Variants in RBFOX1 observed in about 807,000 individuals in gnomAD.
The protein encoded by RBFOX1 is RNA binding protein fox-1 homolog 1.
RBFOX1 carries 8 observed loss-of-function variants against 57.7 expected under a neutral mutation model. That is an observed-to-expected ratio of 0.14 (90% CI 0.08 to 0.25). The LOEUF (loss-of-function observed/expected upper bound fraction) is 0.25, where lower values mean the gene tolerates loss of function less well. Among genes scored for constraint, RBFOX1 ranks in the 10% least tolerant of loss-of-function variants. The pLI, the probability that RBFOX1 is intolerant of heterozygous loss-of-function variation, is 1.00. For synonymous variants in RBFOX1, 326 were observed against 222.4 expected (o/e 1.47, Z -4.15); for missense variants, 611 against 548.5 (o/e 1.11, Z -1.14).
At chr16:6,125,874 T>A (rs543002783) in intron 1 of RBFOX1, among the ~76,000 whole-genome samples, 1 of 152,294 alleles carries the variant, frequency 6.6e-6, no homozygotes, top group Non-Finnish European at 1.5e-5. Context: ...GGGAGAGATT[T>A]TCTGAAGGAT....
intron 3 of RBFOX1, among the ~76,000 whole-genome samples, chr16:5,831,993 C>G (rs1230458844): frequency 6.6e-6 from 1 of 152,148 alleles, no homozygotes; most frequent in Non-Finnish European, 1.5e-5. Context: ...GATGTTAGCA[C>G]TTTCATCCTA....
chr16:5,508,769 G>A (rs980477290), intron 2 of RBFOX1, among the ~76,000 whole-genome samples: 1 of 152,226 alleles, frequency 6.6e-6, no homozygotes, highest in African/African-American at 2.4e-5. Context: ...GGGGATCACA[G>A]GGCCAGCTCA....
intron 4 of RBFOX1, among the ~76,000 whole-genome samples, chr16:5,869,948 A>G (rs1268159240): frequency 1.3e-5 from 2 of 152,170 alleles, no homozygotes; most frequent in African/African-American, 2.4e-5. Flanking sequence ...TAACAGATCA[A>G]TCAATAGTGG....
chr16:7,333,079 A>G (rs1603623681), intron 4 of RBFOX1: 2 of 1,613,742 alleles, frequency 1.2e-6, no homozygotes, highest in South Asian at 1.1e-5. Context: ...ACCTTCCTGG[A>G]CTGATTCAGG....
chr16:5,967,083 A>G (rs979255540), intron 4 of RBFOX1, among the ~76,000 whole-genome samples: 31 of 148,648 alleles, frequency 2.1e-4, no homozygotes, highest in Middle Eastern at 3.6e-3. Flanking sequence ...GCTCATTTAT[A>G]TATAGTTGAC....
intron 4 of RBFOX1, among the ~76,000 whole-genome samples, chr16:6,001,667 A>G (rs1236770782): frequency 1.3e-5 from 2 of 152,200 alleles, no homozygotes; most frequent in African/African-American, 2.4e-5. Context: ...GCTAGTTTTT[A>G]ATTAGGATGT....
At chr16:5,548,332 A>G (rs1372372624) in intron 2 of RBFOX1, among the ~76,000 whole-genome samples, 3 of 151,264 alleles carry the variant, frequency 2.0e-5, no homozygotes, top group African/African-American at 4.9e-5. Flanking sequence ...GTGTCATGCA[A>G]TATACTTGAG....
chr16:7,618,354 G>A (rs943365960), intron 10 of RBFOX1, among the ~76,000 whole-genome samples: 1 of 152,140 alleles, frequency 6.6e-6, no homozygotes, highest in Non-Finnish European at 1.5e-5. Context: ...TGTGCGTGAA[G>A]CCCTGTGGTG....
chr16:5,901,645 A>G (rs1308293396), intron 4 of RBFOX1, among the ~76,000 whole-genome samples: 1 of 152,202 alleles, frequency 6.6e-6, no homozygotes, highest in Non-Finnish European at 1.5e-5. Flanking sequence ...GCCATATTGG[A>G]GAGTAAGGAT....
In RBFOX1 at chr16:7,690,730, G is replaced by A. The variant is rs1032046681; in HGVS notation, c.995+13892G>A. Among the ~76,000 whole-genome samples the A allele has an allele frequency of 2.0e-5, 3 of 152,056 alleles. No individual in the cohort carries two copies. In the East Asian group the frequency reaches 5.8e-4, roughly 29 times the overall value. On this transcript the variant is annotated intron_variant, in intron 14 of 15. Coordinates refer to ENST00000550418, the MANE Select transcript of RBFOX1 (RefSeq NM_018723.4). ...GACATTCGTCTCTTTGATCATATGT[G>A]TCTCTGGTCATCTGGGGCAAATGGC...
chr16:7,227,266 C>T (rs1470065266), intron 4 of RBFOX1, among the ~76,000 whole-genome samples: 1 of 144,396 alleles, frequency 6.9e-6, no homozygotes, highest in African/African-American at 2.5e-5. Context: ...TTCTCACTGT[C>T]ACATACCACA....
chr16:7,601,864 A>G (rs1174226071), intron 9 of RBFOX1, among the ~76,000 whole-genome samples: 3 of 152,196 alleles, frequency 2.0e-5, no homozygotes, highest in African/African-American at 4.8e-5. Flanking sequence ...AATTTTGGCA[A>G]TAAATACACG....
At chr16:6,963,259 AG>A (rs1436462065) in intron 3 of RBFOX1, among the ~76,000 whole-genome samples, 1 of 152,176 alleles carries the variant, frequency 6.6e-6, no homozygotes, top group East Asian at 1.9e-4. Context: ...GCAAAAAGCT[AG>A]CCCATCTTAG....
chr16:7,693,415 CCTT>C, intron 14 of RBFOX1: 3 of 973,504 alleles, frequency 3.1e-6, no homozygotes, highest in Non-Finnish European at 1.4e-6. Context: ...GTCTCAGTAT[CCTT>C]TTTTTTTTTT....
At chr16:5,597,286 C>T (rs114800875) in intron 2 of RBFOX1, among the ~76,000 whole-genome samples, 1,589 of 146,328 alleles carry the variant, frequency 0.011, 31 homozygotes, top group African/African-American at 0.038. Context: ...TCTTTCTCTC[C>T]GTTGCTCTCC....
chr16:6,857,268 C>G lies in RBFOX1; in HGVS notation c.-15-194789C>G, dbSNP rs74007776. On this transcript the variant is annotated intron_variant, in intron 3 of 15. Coordinates refer to ENST00000550418, the MANE Select transcript of RBFOX1 (RefSeq NM_018723.4). ...ATAACTCCCCAATCTCTAAATAAAT[C>G]GCAAACTTATTAGGAAGAATCCCAA... Among the ~76,000 whole-genome samples, 479 of 152,208 alleles carry G rather than the reference C, an allele frequency of 3.1e-3. 5 individuals carry two copies. Among genetic ancestry groups the G allele is most frequent in the African/African-American group, 0.011 (450 of 41,528 alleles).
chr16:5,502,085 C>G (rs929151840), intron 2 of RBFOX1, among the ~76,000 whole-genome samples: 4 of 151,810 alleles, frequency 2.6e-5, no homozygotes, highest in African/African-American at 4.8e-5. Context: ...AGGTAAGCAG[C>G]TACAATTTAG....
chr16:7,415,292 A>G (rs1182967785), intron 4 of RBFOX1, among the ~76,000 whole-genome samples: 1 of 152,216 alleles, frequency 6.6e-6, no homozygotes, highest in Non-Finnish European at 1.5e-5. Flanking sequence ...ACCACTGGCT[A>G]GCATTATAAT....
intron 3 of RBFOX1, among the ~76,000 whole-genome samples, chr16:5,815,869 T>C (rs9925183): frequency 0.67 from 101,782 of 152,064 alleles, 34,269 homozygotes; most frequent in South Asian, 0.73. Flanking sequence ...GGGCAGGGGC[T>C]GGGAGCCTGG....
Sources: allele counts gnomAD v4.1 joint callset (sites outside exome capture counted in the v4.1 genomes callset), GRCh38; gene constraint gnomAD v4.1.1; transcripts MANE v1.5; gene names NCBI Gene and HGNC (gene_info 2026-07-23, HGNC 2026-07-21).